The following EIF2A variants were observed in gnomAD, a reference collection of about 807,000 sequenced individuals.
EIF2A encodes the protein 65 kDa eukaryotic translation initiation factor 2A.
A neutral mutation model predicts 75.2 loss-of-function variants in EIF2A; 62 were observed. The ratio of observed to expected loss-of-function variants is 0.82; its 90% confidence interval spans 0.67 to 1.02. The LOEUF is 1.02. EIF2A is among the 50% of genes least tolerant of loss of function. The pLI, the probability that EIF2A is intolerant of heterozygous loss-of-function variation, is 0.00. For synonymous variants in EIF2A, 207 were observed against 239.0 expected (o/e 0.87, Z 1.23); for missense variants, 611 against 677.7 (o/e 0.90, Z 1.09).
chr3:150,547,020 C>G (rs945660897), intron 1 of EIF2A, 190 bp downstream of exon 1: 3 of 646,470 alleles, frequency 4.6e-6, no homozygotes, highest in Admixed American at 2.9e-5. Context: ...TCTGGGCTTT[C>G]GTATTCCCCC....
In EIF2A at chr3:150,558,446, T is replaced by A; in HGVS notation, c.157T>A (p.Trp53Arg). Residue 53 changes from tryptophan (W) to arginine (R), a missense_variant, in exon 3 of 14, where the codon TGG becomes AGG. Trp to Arg is a moderately radical substitution (Grantham distance 101). Transcript: ENST00000460851. The part of the protein sequence containing the change: ...IFSKDGTLFA[W>R]GNGEKVNIIS... ...TAGTAAGGATGGGACCTTGTTTGCCTGGGGCAATGGAGAAAAGTTAGTGTT... is the reference window on the plus strand; with the variant it reads ...TAGTAAGGATGGGACCTTGTTTGCCAGGGGCAATGGAGAAAAGTTAGTGTT... 6.6e-7 allele frequency: 1 copy of A among 1,514,296 alleles called. No homozygotes were observed. Among genetic ancestry groups the A allele is most frequent in the Admixed American group, 2.7e-5 (1 of 37,314 alleles). The allele number at this position is 1,514,296 out of a possible 1,614,324, so 93.8% of individuals were successfully genotyped here.
intron 3 of EIF2A, among the ~76,000 whole-genome samples, chr3:150,559,564 C>T (rs1723742463): frequency 6.9e-6 from 1 of 145,548 alleles, no homozygotes; most frequent in Non-Finnish European, 1.5e-5. Flanking sequence ...GATCTCAGCT[C>T]ACAGCAACCT....
chr3:150,561,146 T>C (rs968792984), intron 3 of EIF2A, among the ~76,000 whole-genome samples: 1 of 152,198 alleles, frequency 6.6e-6, no homozygotes. Flanking sequence ...TTTTTTTTAA[T>C]TGAGATGGGA....
chr3:150,548,133 T>A (rs1163844374), intron 1 of EIF2A, among the ~76,000 whole-genome samples: 1 of 152,236 alleles, frequency 6.6e-6, no homozygotes, highest in Non-Finnish European at 1.5e-5. Flanking sequence ...TTCCTTGCCA[T>A]CCCATCTTAT....
At chr3:150,567,531 T>G in intron 6 of EIF2A, 162 bp from the exon 7 acceptor site, 3 of 573,508 alleles carry the variant, frequency 5.2e-6, no homozygotes, top group Non-Finnish European at 9.2e-6. Context: ...GTCTTGCTCC[T>G]ACCCCATGCT....
rs1294027068 is a variant in EIF2A at position 150,581,611 on chromosome 3, C to T, written c.1498-7C>T. Reference sequence around the variant, plus strand: ...TAAAATTGAATTTAAAAAAATATTTCCTGCAGGAAGCAAGAAGTGACAAGA... The same window carrying T: ...TAAAATTGAATTTAAAAAAATATTTTCTGCAGGAAGCAAGAAGTGACAAGA... On this transcript the variant is annotated splice_polypyrimidine_tract_variant and splice_region_variant and intron_variant, in intron 11 of 13. Coordinates refer to ENST00000460851, the MANE Select transcript of EIF2A (RefSeq NM_032025.5). 3 of 1,548,684 alleles carry T rather than the reference C, an allele frequency of 1.9e-6. No individual in the cohort carries two copies. In the East Asian group the frequency reaches 7.3e-5, roughly 38 times the overall value.
chr3:150,576,565 GGTGAC>G (rs1228734989), intron 11 of EIF2A, among the ~76,000 whole-genome samples: 1 of 152,128 alleles, frequency 6.6e-6, no homozygotes, highest in Non-Finnish European at 1.5e-5. Context: ...CTATATGATG[GGTGAC>G]AAAAGAAACT....
chr3:150,578,836 C>G (rs1576606916), intron 11 of EIF2A, among the ~76,000 whole-genome samples: 1 of 152,136 alleles, frequency 6.6e-6, no homozygotes, highest in Non-Finnish European at 1.5e-5. Flanking sequence ...TTAGTCCTGA[C>G]TCTGAAGTAA....
intron 13 of EIF2A, 74 bp from the exon 14 acceptor site, chr3:150,583,772 A>AT (rs1172989741): frequency 4.4e-6 from 6 of 1,379,304 alleles, no homozygotes; most frequent in East Asian, 4.7e-5. Flanking sequence ...CAGAAATACC[A>AT]TTTTTTCTGT....
In EIF2A at chr3:150,575,668, A is replaced by G; in HGVS notation, c.1403A>G (p.Gln468Arg). Reference protein sequence around the residue: ...NSKLHEEEPPQNMKPQSGNDK... With the variant: ...NSKLHEEEPPRNMKPQSGNDK... Reference sequence around the variant, plus strand: ...CCATAGCATGAAGAGGAACCACCTCAGAATATGAAACCACAATCAGGAAAC... The same window carrying G: ...CCATAGCATGAAGAGGAACCACCTCGGAATATGAAACCACAATCAGGAAAC... The change falls in exon 11 of 14, where the codon CAG becomes CGG. Residue 468 changes from glutamine (Q) to arginine (R), a missense_variant. Coordinates refer to ENST00000460851, the MANE Select transcript of EIF2A (RefSeq NM_032025.5). 6.2e-7 allele frequency: 1 copy of G among 1,611,634 alleles called. No homozygotes were observed. Among genetic ancestry groups the G allele is most frequent in the Non-Finnish European group, 8.5e-7 (1 of 1,179,232 alleles).
intron 11 of EIF2A, among the ~76,000 whole-genome samples, chr3:150,581,187 T>G (rs547192926): frequency 6.6e-6 from 1 of 152,370 alleles, no homozygotes; most frequent in South Asian, 2.1e-4. Context: ...AGAGCTGAAT[T>G]GATCTGATTA....
intron 2 of EIF2A, among the ~76,000 whole-genome samples, chr3:150,553,393 A>G (rs959828053): frequency 6.6e-6 from 1 of 151,940 alleles, no homozygotes; most frequent in Non-Finnish European, 1.5e-5. Flanking sequence ...TGGTGGCATA[A>G]CCATGTGAAG....
At chr3:150,561,714 A>C (rs570926603) in intron 3 of EIF2A, among the ~76,000 whole-genome samples, 10 of 152,146 alleles carry the variant, frequency 6.6e-5, no homozygotes, top group Non-Finnish European at 1.0e-4. Flanking sequence ...TTTCAGCTGA[A>C]GGTGGAATCA....
chr3:150,574,974 A>G (rs1344307595), intron 10 of EIF2A, among the ~76,000 whole-genome samples: 3 of 152,194 alleles, frequency 2.0e-5, no homozygotes, highest in African/African-American at 7.2e-5. Context: ...TGTTCTGGAG[A>G]TACATTGAAT....
chr3:150,547,840 A>C (rs1013212024), intron 1 of EIF2A, among the ~76,000 whole-genome samples: 2 of 152,230 alleles, frequency 1.3e-5, no homozygotes, highest in Admixed American at 1.3e-4. Flanking sequence ...CGCCGAGTAT[A>C]ATCTTCTAGA....
At position 150,583,959 on chromosome 3, in the gene EIF2A, C is replaced by T; in HGVS notation, c.*48C>T. 1 of 1,574,298 alleles carries T rather than the reference C, an allele frequency of 6.4e-7. No homozygotes were observed. Among genetic ancestry groups the T allele is most frequent in the South Asian group, 1.1e-5 (1 of 89,780 alleles). On this transcript the variant is annotated 3_prime_UTR_variant, in exon 14 of 14. Transcript: ENST00000460851. ...TGACCAGAAATCAGTGCAAACACAT[C>T]TTCTGTTAAACCCATTGGTATACAC...
intron 2 of EIF2A, chr3:150,557,707 T>A (rs1474675959): frequency 2.6e-6 from 1 of 390,550 alleles, no homozygotes; most frequent in African/African-American, 2.2e-5. Context: ...AGAAAGAGAT[T>A]TTAAAAATGT....
intron 13 of EIF2A, among the ~76,000 whole-genome samples, 152 bp from the exon 14 acceptor site, chr3:150,583,694 A>G (rs542018598): frequency 6.8e-6 from 1 of 148,008 alleles, no homozygotes; most frequent in African/African-American, 2.7e-5. Context: ...CATACCAGAT[A>G]ACAAATTAGA....
chr3:150,571,810 T>A (rs1196090699), intron 9 of EIF2A, 148 bp from the exon 10 acceptor site: 1 of 656,908 alleles, frequency 1.5e-6, no homozygotes, highest in Non-Finnish European at 2.5e-6. Context: ...CCCCCTAGTA[T>A]ATAATGTAAG....
Sources: allele counts gnomAD v4.1 joint callset (sites outside exome capture counted in the v4.1 genomes callset), GRCh38; gene constraint gnomAD v4.1.1; transcripts MANE v1.5; gene names NCBI Gene and HGNC (gene_info 2026-07-23, HGNC 2026-07-21).